The following CMSS1 variants were observed in gnomAD, a reference collection of about 807,000 sequenced individuals.
The protein encoded by CMSS1 is cms1 ribosomal small subunit homolog.
A neutral mutation model predicts 43.5 loss-of-function variants in CMSS1; 33 were observed. The observed-to-expected ratio is 0.76, with a 90% confidence interval of 0.57 to 1.01. The LOEUF (loss-of-function observed/expected upper bound fraction) is 1.01. CMSS1 is among the 50% of genes least tolerant of loss of function. The pLI is 0.00. For synonymous variants in CMSS1, 115 were observed against 117.2 expected (o/e 0.98, Z 0.12); for missense variants, 313 against 326.4 (o/e 0.96, Z 0.32).
intron 1 of CMSS1, among the ~76,000 whole-genome samples, chr3:100,027,899 T>C (rs995086676): frequency 6.6e-6 from 1 of 152,112 alleles, no homozygotes; most frequent in Non-Finnish European, 1.5e-5. Flanking sequence ...AGAGGGAAAG[T>C]GGTCAGAAAA....
At chr3:100,122,306 A>G (rs2066628355) in intron 1 of CMSS1, among the ~76,000 whole-genome samples, 1 of 152,134 alleles carries the variant, frequency 6.6e-6, no homozygotes, top group Non-Finnish European at 1.5e-5. Context: ...CTGGTAACCT[A>G]CAAAATTTGG....
chr3:99,988,829 AT>A (rs1268325234), intron 1 of CMSS1, among the ~76,000 whole-genome samples: 2 of 152,124 alleles, frequency 1.3e-5, no homozygotes, highest in African/African-American at 4.8e-5. Context: ...TTCATTGGTA[AT>A]TTTTATTCCA....
chr3:99,920,642 T>C (rs1450148842), intron 1 of CMSS1, among the ~76,000 whole-genome samples: 2 of 152,194 alleles, frequency 1.3e-5, no homozygotes, highest in Non-Finnish European at 2.9e-5. Context: ...GGAACAGGCT[T>C]TCCTGAGCTG....
intron 1 of CMSS1, among the ~76,000 whole-genome samples, chr3:99,906,742 A>G (rs1291651236): frequency 6.6e-6 from 1 of 152,140 alleles, no homozygotes; most frequent in African/African-American, 2.4e-5. Flanking sequence ...TAGCTTTTCC[A>G]GTACTGAGAA....
intron 1 of CMSS1, among the ~76,000 whole-genome samples, chr3:99,917,459 G>T (rs1706989233): frequency 6.6e-6 from 1 of 152,244 alleles, no homozygotes; most frequent in Admixed American, 6.5e-5. Flanking sequence ...CAGGAGAGCT[G>T]GCTTCTACTC....
chr3:99,832,421 G>T (rs1279752336), intron 1 of CMSS1, among the ~76,000 whole-genome samples: 6 of 149,812 alleles, frequency 4.0e-5, no homozygotes, highest in Admixed American at 2.6e-4. Flanking sequence ...TAGTAGAGAC[G>T]GGGTTTCACT....
chr3:100,101,320 T>A (rs2066301108), intron 1 of CMSS1, among the ~76,000 whole-genome samples: 1 of 152,166 alleles, frequency 6.6e-6, no homozygotes, highest in African/African-American at 2.4e-5. Context: ...TTGACTTCGT[T>A]GACTGAGGAC....
chr3:99,835,133 T>C (rs966295246), intron 1 of CMSS1, among the ~76,000 whole-genome samples: 4 of 152,188 alleles, frequency 2.6e-5, no homozygotes, highest in Non-Finnish European at 5.9e-5. Context: ...TTCCTCTCTC[T>C]CCAATTATTT....
At chr3:99,992,554 T>A (rs1339371238) in intron 1 of CMSS1, among the ~76,000 whole-genome samples, 1 of 152,156 alleles carries the variant, frequency 6.6e-6, no homozygotes, top group African/African-American at 2.4e-5. Flanking sequence ...CCTTGTAGAT[T>A]CTGGTTATTA....
intron 1 of CMSS1, among the ~76,000 whole-genome samples, chr3:99,861,285 A>G (rs1002917400): frequency 1.3e-5 from 2 of 152,162 alleles, no homozygotes; most frequent in African/African-American, 4.8e-5. Context: ...TAATCCTCCA[A>G]AGCCTACCTG....
chr3:100,130,929 G>A (rs2066701181), intron 1 of CMSS1, among the ~76,000 whole-genome samples: 1 of 152,194 alleles, frequency 6.6e-6, no homozygotes, highest in Non-Finnish European at 1.5e-5. Flanking sequence ...AGTGCATGAA[G>A]TGATGGGTTG....
intron 1 of CMSS1, among the ~76,000 whole-genome samples, chr3:100,069,693 C>T (rs951393795): frequency 2.0e-5 from 3 of 152,166 alleles, no homozygotes; most frequent in Admixed American, 1.3e-4. Flanking sequence ...TCGTCATGGT[C>T]TGGAGGAACC....
chr3:99,837,016 A>C lies in CMSS1; in HGVS notation c.64+18973A>C, dbSNP rs1007112713. Reference sequence around the variant, plus strand: ...CATATTTGATAGGTTTGGCCTAAAAAAATAGTAATAATCGTCCATTGTTCT... The same window carrying C: ...CATATTTGATAGGTTTGGCCTAAAACAATAGTAATAATCGTCCATTGTTCT... On this transcript the variant is annotated intron_variant, in intron 1 of 9. Coordinates refer to ENST00000421999, the MANE Select transcript of CMSS1 (RefSeq NM_032359.4). 2.6e-5 allele frequency among the ~76,000 whole-genome samples: 4 copies of C among 152,252 alleles called. No individual in the cohort carries two copies. The South Asian group carries it at 8.3e-4, about 32-fold the overall frequency.
At chr3:100,054,406 G>A (rs999462253) in intron 1 of CMSS1, among the ~76,000 whole-genome samples, 2 of 152,184 alleles carry the variant, frequency 1.3e-5, no homozygotes, top group Non-Finnish European at 2.9e-5. Flanking sequence ...GCTGGGGAGT[G>A]GCTGTCCCGT....
At chr3:100,174,098 A>G (rs113286339) in intron 8 of CMSS1, among the ~76,000 whole-genome samples, 20 of 152,322 alleles carry the variant, frequency 1.3e-4, no homozygotes, top group African/African-American at 4.6e-4. Context: ...GTAACTGGAA[A>G]GAAATTTGAG....
chr3:99,826,382 A>T (rs542371131), intron 1 of CMSS1, among the ~76,000 whole-genome samples: 3 of 152,346 alleles, frequency 2.0e-5, no homozygotes, highest in Admixed American at 6.5e-5. Context: ...GGGTCCAGTC[A>T]TCACCGTCAT....
At chr3:99,846,715 T>C (rs1199440217) in intron 1 of CMSS1, among the ~76,000 whole-genome samples, 1 of 152,170 alleles carries the variant, frequency 6.6e-6, no homozygotes, top group Non-Finnish European at 1.5e-5. Context: ...CGCTTTACTA[T>C]CATGAAATTG....
intron 1 of CMSS1, among the ~76,000 whole-genome samples, chr3:99,903,367 T>C (rs1706502624): frequency 6.6e-6 from 1 of 152,076 alleles, no homozygotes; most frequent in African/African-American, 2.4e-5. Flanking sequence ...TTCTCCTGCC[T>C]CAGCCTCCTG....
intron 1 of CMSS1, among the ~76,000 whole-genome samples, chr3:99,867,711 C>G (rs535663317): frequency 1.3e-5 from 2 of 152,264 alleles, no homozygotes; most frequent in South Asian, 2.1e-4. Flanking sequence ...ATACTCCCAA[C>G]AATCTTTAGA....
Sources: allele counts gnomAD v4.1 joint callset (sites outside exome capture counted in the v4.1 genomes callset), GRCh38; gene constraint gnomAD v4.1.1; transcripts MANE v1.5; gene names NCBI Gene and HGNC (gene_info 2026-07-23, HGNC 2026-07-21).